HECW1: variants seen among roughly 807,000 people sequenced by gnomAD.
HECW1 encodes the protein E3 ubiquitin-protein ligase HECW1.
A neutral mutation model predicts 182.3 loss-of-function variants in HECW1; 61 were observed. The ratio of observed to expected loss-of-function variants is 0.33; its 90% CI spans 0.27 to 0.41. The LOEUF is 0.41. Among genes scored for constraint, HECW1 ranks in the 10% least tolerant of loss-of-function variants. HECW1 has a pLI of 1.00. For synonymous variants in HECW1, 859 were observed against 832.6 expected (o/e 1.03, Z -0.55); for missense variants, 1,739 against 2,108.9 (o/e 0.82, Z 3.44).
chr7:43,438,884 A>G (rs922717482), intron 9 of HECW1: 1 of 152,260 alleles, frequency 6.6e-6, no homozygotes, highest in African/African-American at 2.4e-5. Context: ...CAAAGATAGC[A>G]AAAGAATGAG....
rs1459737742 is a variant in HECW1 at position 43,432,656 on chromosome 7, C to T, written c.802-5347C>T. On this transcript the variant is annotated intron_variant, in intron 8 of 29. Coordinates refer to ENST00000395891, the MANE Select transcript of HECW1 (RefSeq NM_015052.5). The surrounding 1 kb of genome is among the most constrained non-coding windows in gnomAD (Gnocchi z 4.1). ...TAGCTGTGTCCCAGCACCCAGCTCA[C>T]AGCCAGTGCCCAAAAAGTGTTTATG... is the stretch of plus-strand genomic sequence containing the variant. 6.6e-6 allele frequency among the ~76,000 whole-genome samples: 1 copy of T among 152,220 alleles called. No individual in the cohort carries two copies. Among genetic ancestry groups the T allele is most frequent in the Non-Finnish European group, 1.5e-5 (1 of 68,044 alleles).
chr7:43,211,324 C>T (rs561304308), intron 2 of HECW1, among the ~76,000 whole-genome samples: 4 of 152,314 alleles, frequency 2.6e-5, no homozygotes, highest in South Asian at 4.1e-4. Flanking sequence ...CTTATTCAGG[C>T]AGTTCCCATT....
chr7:43,465,562 C>T (rs1584991504), intron 14 of HECW1, among the ~76,000 whole-genome samples: 1 of 152,222 alleles, frequency 6.6e-6, no homozygotes, highest in Non-Finnish European at 1.5e-5. Flanking sequence ...CCCGTTGTCA[C>T]TTCTGACATG....
chr7:43,285,652 A>C (rs1250959051), intron 3 of HECW1, among the ~76,000 whole-genome samples: 3 of 152,106 alleles, frequency 2.0e-5, no homozygotes, highest in East Asian at 1.9e-4. Context: ...TTTATTAAAA[A>C]ATTTTTAAAA....
At chr7:43,393,071 C>T (rs973795626) in intron 6 of HECW1, among the ~76,000 whole-genome samples, 9 of 152,086 alleles carry the variant, frequency 5.9e-5, no homozygotes, top group African/African-American at 1.9e-4. Context: ...TCTTCTACAC[C>T]CCACAACAGA....
At chr7:43,191,126 AC>A (rs1793881026) in intron 2 of HECW1, among the ~76,000 whole-genome samples, 2 of 151,808 alleles carry the variant, frequency 1.3e-5, no homozygotes, top group Non-Finnish European at 2.9e-5. Flanking sequence ...GAGTAGATTA[AC>A]ACTCTTGGGT....
intron 28 of HECW1, 22 bp downstream of exon 28, chr7:43,552,358 T>C (rs771896352): frequency 1.5e-5 from 19 of 1,293,116 alleles, no homozygotes; most frequent in Non-Finnish European, 2.1e-5. Context: ...GGAGCTGTAA[T>C]GATGCAATGA....
At chr7:43,281,414 CA>C (rs1224864818) in intron 3 of HECW1, among the ~76,000 whole-genome samples, 37 of 152,208 alleles carry the variant, frequency 2.4e-4, no homozygotes, top group Non-Finnish European at 3.8e-4. Context: ...CCCTGATTTT[CA>C]AACAACTTTA....
At chr7:43,427,211 A>T (rs145767219) in intron 8 of HECW1, among the ~76,000 whole-genome samples, 48 of 152,326 alleles carry the variant, frequency 3.2e-4, no homozygotes, top group African/African-American at 1.1e-3. Context: ...CAGTTTCCCC[A>T]ACTATGATCA....
At chr7:43,530,116 ATTT>A (rs35892407) in intron 24 of HECW1, among the ~76,000 whole-genome samples, 5 of 121,236 alleles carry the variant, frequency 4.1e-5, no homozygotes, top group Non-Finnish European at 6.8e-5. Flanking sequence ...TGCTTGGCTA[ATTT>A]TTTTTTTTTT....
chr7:43,191,392 T>C (rs1461462070), intron 2 of HECW1, among the ~76,000 whole-genome samples: 1 of 152,192 alleles, frequency 6.6e-6, no homozygotes, highest in East Asian at 1.9e-4. Flanking sequence ...TGCTTTCTAA[T>C]TACACTTCTT....
chr7:43,508,029 G>T lies in HECW1; in HGVS notation c.3764G>T (p.Arg1255Leu), dbSNP rs200076235. Residue 1255 changes from arginine (R) to leucine (L), a missense_variant, in exon 23 of 30, where the codon CGC (arginine) becomes CTC (leucine). This residue lies in a region of HECW1 where 420 missense variants were observed against 595.7 expected (regional missense o/e 0.71). Coordinates refer to ENST00000395891, the MANE Select transcript of HECW1 (RefSeq NM_015052.5). ...QGPGKIKLIIRRDHLLEGTFN... is the reference protein window; with the variant it reads ...QGPGKIKLIILRDHLLEGTFN... ...CTTCTCCTTCTCAGGCTCATTATTCGCCGGGATCATTTGTTGGAGGGAACC... is the reference window on the plus strand; with the variant it reads ...CTTCTCCTTCTCAGGCTCATTATTCTCCGGGATCATTTGTTGGAGGGAACC... 2 of 1,613,300 alleles carry T rather than the reference G, an allele frequency of 1.2e-6. No homozygotes were observed. The highest frequency in any genetic ancestry group is 1.7e-5 in the Admixed American group (1 of 59,998).
At chr7:43,448,264 T>G (rs934244234) in intron 11 of HECW1, among the ~76,000 whole-genome samples, 2 of 152,258 alleles carry the variant, frequency 1.3e-5, no homozygotes, top group African/African-American at 4.8e-5. Flanking sequence ...AACTGACAAC[T>G]ATACAGGCTA....
intron 6 of HECW1, among the ~76,000 whole-genome samples, chr7:43,394,083 G>A (rs775886326): frequency 6.6e-6 from 1 of 152,154 alleles, no homozygotes; most frequent in South Asian, 2.1e-4. Context: ...TTGTCCTGGT[G>A]GTGCAGTATA....
chr7:43,173,723 C>T (rs2152669396), intron 2 of HECW1, among the ~76,000 whole-genome samples: 1 of 152,336 alleles, frequency 6.6e-6, no homozygotes, highest in South Asian at 2.1e-4. Context: ...CGCTGTGCAG[C>T]CCAGTTCCAA....
At chr7:43,384,247 A>G (rs2074678610) in intron 6 of HECW1, among the ~76,000 whole-genome samples, 3 of 152,200 alleles carry the variant, frequency 2.0e-5, no homozygotes. Flanking sequence ...GGGGTTCTCC[A>G]CGTACCCCCT....
At chr7:43,227,672 C>T (rs991573324) in intron 2 of HECW1, among the ~76,000 whole-genome samples, 1 of 152,076 alleles carries the variant, frequency 6.6e-6, no homozygotes, top group Non-Finnish European at 1.5e-5. Context: ...AAATTATTAA[C>T]ATTATTTTAA....
intron 24 of HECW1, among the ~76,000 whole-genome samples, chr7:43,527,481 G>T (rs1010894028): frequency 6.6e-6 from 1 of 152,158 alleles, no homozygotes; most frequent in South Asian, 2.1e-4. Context: ...CCTTCTCATC[G>T]GTTCCTGTGT....
At chr7:43,426,912 G>A (rs75797657) in intron 8 of HECW1, among the ~76,000 whole-genome samples, 3,576 of 151,760 alleles carry the variant, frequency 0.024, 133 homozygotes, top group African/African-American at 0.08. Flanking sequence ...TATGCAAAAC[G>A]TGGAAGCTGT....
Sources: allele counts gnomAD v4.1 joint callset (sites outside exome capture counted in the v4.1 genomes callset), GRCh38; gene constraint gnomAD v4.1.1; regional missense constraint gnomAD v4.1.1; non-coding constraint Gnocchi (gnomAD v3.1); transcripts MANE v1.5; gene names NCBI Gene and HGNC (gene_info 2026-07-23, HGNC 2026-07-21).